C1orf21: variants seen among roughly 807,000 people sequenced by gnomAD.
C1orf21 encodes the protein chromosome 1 open reading frame 21.
Under a neutral mutation model 18.7 loss-of-function variants are expected in C1orf21, and 3 were observed. That is an observed-to-expected ratio of 0.16 (90% CI 0.07 to 0.42). The LOEUF is 0.42. Ranked by LOEUF, C1orf21 falls within the 10% of genes least tolerant of loss-of-function variation. The pLI is 0.99. For missense variants in C1orf21, 104 were observed against 143.6 expected, an observed-to-expected ratio of 0.72 and a Z score of 1.41; for synonymous variants, 41 against 46.4, an observed-to-expected ratio of 0.88 and a Z score of 0.47.
intron 1 of C1orf21, among the ~76,000 whole-genome samples, chr1:184,453,579 C>T (rs1326374161): frequency 2.6e-5 from 4 of 152,144 alleles, no homozygotes; most frequent in Non-Finnish European, 5.9e-5. Flanking sequence ...AATATCCTCT[C>T]TTCTGTTCTG....
At chr1:184,458,622 T>C (rs1469960812) in intron 1 of C1orf21, among the ~76,000 whole-genome samples, 1 of 152,182 alleles carries the variant, frequency 6.6e-6, no homozygotes, top group Non-Finnish European at 1.5e-5. Flanking sequence ...CATTCTTCAT[T>C]CACTTATACC....
intron 3 of C1orf21, among the ~76,000 whole-genome samples, chr1:184,533,600 G>T (rs988838468): frequency 6.6e-6 from 1 of 151,990 alleles, no homozygotes; most frequent in Admixed American, 6.5e-5. Flanking sequence ...TTCAGCTATT[G>T]GTTCTTTGAC....
chr1:184,615,129 T>C (rs1366133661), intron 5 of C1orf21, among the ~76,000 whole-genome samples: 2 of 152,212 alleles, frequency 1.3e-5, no homozygotes, highest in Non-Finnish European at 2.9e-5. Flanking sequence ...CTAATTCTTA[T>C]AGACACACTT....
chr1:184,399,329 A>G (rs1656111736), intron 1 of C1orf21, among the ~76,000 whole-genome samples: 1 of 150,120 alleles, frequency 6.7e-6, no homozygotes, highest in Admixed American at 6.6e-5. Context: ...TGGCAAGAGC[A>G]CATCACAGGA....
At chr1:184,516,788 T>C (rs930927065) in intron 3 of C1orf21, among the ~76,000 whole-genome samples, 20 of 152,286 alleles carry the variant, frequency 1.3e-4, no homozygotes, top group South Asian at 6.2e-4. Context: ...GAGAGTACAA[T>C]TCAAAGTGAG....
In C1orf21 at chr1:184,488,987, C is replaced by A. The variant is rs540735030; in HGVS notation, c.94+11384C>A. ...CTCAAGAAAAAGAAAAGAAAAGAAA[C>A]TGTAAAAGTACTACAAAAAACGCAA... On this transcript the variant is annotated intron_variant, in intron 2 of 5. Coordinates refer to ENST00000235307, the MANE Select transcript of C1orf21 (RefSeq NM_030806.4). Among the ~76,000 whole-genome samples the A allele has an allele frequency of 2.7e-5, 4 of 149,894 alleles. No homozygotes were observed. In the East Asian group the frequency reaches 7.7e-4, roughly 29 times the overall value.
rs544965164 is a variant in C1orf21, at chr1:184,538,115, C to T, written c.189+30433C>T. 2.1e-4 allele frequency among the ~76,000 whole-genome samples: 23 copies of T among 109,654 alleles called. 1 individual carries two copies. The highest frequency in any genetic ancestry group is 9.1e-4 in the African/African-American group (22 of 24,214). The allele number at this position is 109,654 out of a possible 152,430, so 71.9% of individuals were successfully genotyped here. On this transcript the variant is annotated intron_variant, in intron 3 of 5. Transcript: ENST00000235307. ...AAGAATTCTAGTTACTCTGCATCCT[C>T]ACCAACACGATATTTTCTGGGTTTT... is the stretch of plus-strand genomic sequence containing the variant.
At chr1:184,416,955 T>C (rs1656462671) in intron 1 of C1orf21, among the ~76,000 whole-genome samples, 1 of 152,190 alleles carries the variant, frequency 6.6e-6, no homozygotes, top group Admixed American at 6.5e-5. Flanking sequence ...ATGGAAAAGT[T>C]GCCAATGAAG....
chr1:184,624,453 C>T lies in C1orf21; in HGVS notation c.*4897C>T, dbSNP rs1659974189. 1 of 152,202 alleles carries T rather than the reference C, an allele frequency of 6.6e-6. No homozygotes were observed. The highest frequency in any genetic ancestry group is 2.4e-5 in the African/African-American group (1 of 41,448). The allele number at this position is 152,202 out of a possible 1,614,324, so 9.4% of individuals were successfully genotyped here. A position where few individuals can be genotyped will look rare whatever the true frequency, so the allele number is the denominator to read the frequency against. On this transcript the variant is annotated 3_prime_UTR_variant, in exon 6 of 6. Transcript: ENST00000235307. ...ACCAGATGCAACCAGAACAGGCTTT[C>T]GAGTGCTGTGATTTCTTTCCTGGGT...
At chr1:184,468,569 T>C (rs1557979868) in intron 1 of C1orf21, among the ~76,000 whole-genome samples, 1 of 152,196 alleles carries the variant, frequency 6.6e-6, no homozygotes, top group Non-Finnish European at 1.5e-5. Context: ...AAATATATTT[T>C]TACTCAAATA....
intron 3 of C1orf21, chr1:184,567,424 C>T: frequency 1.9e-6 from 1 of 535,758 alleles, no homozygotes; most frequent in Non-Finnish European, 3.8e-6. Context: ...GCTTGAAGGT[C>T]TGCATCTCTC....
chr1:184,556,019 T>G (rs1317017713), intron 3 of C1orf21, among the ~76,000 whole-genome samples: 1 of 152,114 alleles, frequency 6.6e-6, no homozygotes, highest in Non-Finnish European at 1.5e-5. Context: ...TAGAACGATC[T>G]GTAAGAAATG....
intron 5 of C1orf21, chr1:184,599,683 C>G (rs751496532): frequency 1.2e-4 from 18 of 152,068 alleles, no homozygotes; most frequent in Non-Finnish European, 2.1e-4. Flanking sequence ...GGAACAGTTG[C>G]CAAGTTTCAC....
chr1:184,562,492 T>G (rs1658981535), intron 3 of C1orf21, among the ~76,000 whole-genome samples: 1 of 152,226 alleles, frequency 6.6e-6, no homozygotes, highest in Non-Finnish European at 1.5e-5. Context: ...CCCTAGCAGC[T>G]GCATGAAATA....
At chr1:184,577,597 A>G (rs558794923) in intron 3 of C1orf21, among the ~76,000 whole-genome samples, 1 of 152,284 alleles carries the variant, frequency 6.6e-6, no homozygotes, top group South Asian at 2.1e-4. Context: ...GCTGGCTTCT[A>G]TGGCACAATG....
chr1:184,429,166 G>T (rs1248232639), intron 1 of C1orf21, among the ~76,000 whole-genome samples: 1 of 152,016 alleles, frequency 6.6e-6, no homozygotes, highest in Admixed American at 6.5e-5. Flanking sequence ...CTAGAGGAGG[G>T]CATAGTCCAT....
chr1:184,460,173 C>A (rs1456439154), intron 1 of C1orf21, among the ~76,000 whole-genome samples: 1 of 152,098 alleles, frequency 6.6e-6, no homozygotes, highest in Non-Finnish European at 1.5e-5. Flanking sequence ...GATTCAAAAT[C>A]CTGTTAGTAG....
intron 5 of C1orf21, among the ~76,000 whole-genome samples, chr1:184,605,814 G>A (rs1253828085): frequency 6.6e-6 from 1 of 152,228 alleles, no homozygotes; most frequent in Non-Finnish European, 1.5e-5. Flanking sequence ...AGTGTTTGCT[G>A]TGTTGTATGT....
At position 184,465,013 on chromosome 1, in the gene C1orf21, C is replaced by T. The variant is rs555230172; in HGVS notation, c.-124-12373C>T. Among the ~76,000 whole-genome samples the T allele has an allele frequency of 1.1e-4, 17 of 152,296 alleles. No homozygotes were observed. The South Asian group carries it at 2.1e-3, about 19-fold the overall frequency. On this transcript the variant is annotated intron_variant, in intron 1 of 5. Coordinates refer to ENST00000235307, the MANE Select transcript of C1orf21 (RefSeq NM_030806.4). ...CAGGAACTCCTGGCCTCAAGTGACC[C>T]TCCTGCTTCAGCCTCCCAAAGTGTT...
Sources: gnomAD v4.1 joint callset for allele counts (sites outside exome capture counted in the v4.1 genomes callset) on GRCh38, gnomAD v4.1.1 for gene constraint, MANE v1.5 for transcripts, NCBI Gene and HGNC (gene_info 2026-07-23, HGNC 2026-07-21) for gene names.